The following CRTC1 variants were observed in gnomAD, a reference collection of about 807,000 sequenced individuals.
CRTC1 encodes the protein CREB-regulated transcription coactivator 1.
Under a neutral mutation model 66.1 loss-of-function variants are expected in CRTC1, and 18 were observed. The observed-to-expected ratio is 0.27, with a 90% CI of 0.19 to 0.40. CRTC1 has a LOEUF of 0.40. Among genes scored for constraint, CRTC1 ranks in the 10% least tolerant of loss-of-function variants. The pLI, the probability that CRTC1 is intolerant of heterozygous loss-of-function variation, is 1.00. For missense variants in CRTC1, 669 were observed against 887.9 expected, an observed-to-expected ratio of 0.75 and a Z score of 3.13; for synonymous variants, 416 against 398.8, an observed-to-expected ratio of 1.04 and a Z score of -0.51.
chr19:18,745,708 A>C (rs2054217422), intron 2 of CRTC1, 115 bp from the exon 3 acceptor site: 4 of 1,340,078 alleles, frequency 3.0e-6, no homozygotes, highest in Non-Finnish European at 4.2e-6. Flanking sequence ...GCGATGGCCG[A>C]GGGTGCTCCA....
chr19:18,746,910 C>T (rs910682755), intron 3 of CRTC1, 143 bp from the exon 4 acceptor site: 30 of 683,494 alleles, frequency 4.4e-5, no homozygotes, highest in South Asian at 1.4e-4. Flanking sequence ...CGGCAGGAAA[C>T]GCCCCCCGCC....
chr19:18,693,113 G>A (rs1002883338), intron 1 of CRTC1, among the ~76,000 whole-genome samples: 1 of 144,486 alleles, frequency 6.9e-6, no homozygotes, highest in Non-Finnish European at 1.5e-5. Context: ...TTTTTCGGCC[G>A]GGTATGGTAG....
In CRTC1 at chr19:18,739,546, C is replaced by T. The variant is rs531029345; in HGVS notation, c.127-3364C>T. On this transcript the variant is annotated intron_variant, in intron 1 of 13. Coordinates refer to ENST00000321949, the MANE Select transcript of CRTC1 (RefSeq NM_015321.3). The stretch of plus-strand genomic sequence containing the variant: ...CACATCTTTGTTCACTTGTGGATTC[C>T]GCCGGCAGGCGCTGCTGAGCAGCGG... Among the ~76,000 whole-genome samples the T allele has an allele frequency of 3.3e-4, 51 of 152,298 alleles. No individual in the cohort carries two copies. The South Asian group carries it at 9.7e-3, about 29-fold the overall frequency.
chr19:18,779,510 T>C lies in CRTC1; in HGVS notation c.*2128T>C, dbSNP rs1326919217. The C allele has an allele frequency of 9.3e-6, 2 of 215,976 alleles. No individual in the cohort carries two copies. The highest frequency in any genetic ancestry group is 1.9e-5 in the Non-Finnish European group (2 of 107,842). The allele number at this position is 215,976 out of a possible 1,614,324, so 13.4% of individuals were successfully genotyped here. A position where few individuals can be genotyped will look rare whatever the true frequency, so the allele number is the denominator to read the frequency against. On this transcript the variant is annotated 3_prime_UTR_variant, in exon 14 of 14. Coordinates refer to ENST00000321949, the MANE Select transcript of CRTC1 (RefSeq NM_015321.3). ...TGTACATAGGAGAGTTTCATTACCA[T>C]TAGACTTGTATGTAGGACTTAAAAA...
At chr19:18,767,253 C>T (rs1237484399) in intron 9 of CRTC1, among the ~76,000 whole-genome samples, 1 of 151,684 alleles carries the variant, frequency 6.6e-6, no homozygotes, top group African/African-American at 2.4e-5. Flanking sequence ...GGCTGGAGTG[C>T]AGTGGCGTGC....
chr19:18,766,530 C>CT (rs752761799), intron 9 of CRTC1, among the ~76,000 whole-genome samples: 7 of 152,022 alleles, frequency 4.6e-5, no homozygotes, highest in Non-Finnish European at 1.0e-4. Context: ...CATTGCAACT[C>CT]TGCCTCCCAA....
At position 18,768,717 on chromosome 19, in the gene CRTC1, T is replaced by C; in HGVS notation, c.1244T>C (p.Val415Ala). ...GGGCCACAGCCGCCCCCGCTTGCAG[T>C]CACGGTACCGTCCTCTCTCCCCCAG... Reference protein sequence around the residue: ...TRGPQPPPLAVTVPSSLPQSP... With the variant: ...TRGPQPPPLAATVPSSLPQSP... The change falls in exon 10 of 14, where the codon GTC becomes GCC. Residue 415 changes from valine to alanine, a missense_variant. Transcript: ENST00000321949. The surrounding 1 kb of genome is among the most constrained non-coding windows in gnomAD (Gnocchi z 5.6). 1 of 1,595,568 alleles carries C rather than the reference T, an allele frequency of 6.3e-7. No homozygotes were observed. Among genetic ancestry groups the C allele is most frequent in the Non-Finnish European group, 8.5e-7 (1 of 1,172,570 alleles).
At chr19:18,720,083 G>A (rs896498099) in intron 1 of CRTC1, among the ~76,000 whole-genome samples, 3 of 152,240 alleles carry the variant, frequency 2.0e-5, no homozygotes, top group Admixed American at 1.3e-4. Flanking sequence ...ACAAATAGAC[G>A]TGTGCTTGCA....
rs1437494339 is a variant in CRTC1 at position 18,780,561 on chromosome 19, C to T, written c.*3179C>T. ...CCGGGAGGACCCCTAGCCAGGAGGG[C>T]CCCCCATGTCCATCCATCCCTCCTG... is the stretch of plus-strand genomic sequence containing the variant. On this transcript the variant is annotated 3_prime_UTR_variant, in exon 14 of 14. Transcript: ENST00000321949. 4.3e-6 allele frequency: 1 copy of T among 230,592 alleles called. No homozygotes were observed. The allele number at this position is 230,592 out of a possible 1,614,324, so 14.3% of individuals were successfully genotyped here.
chr19:18,746,491 C>T (rs1052004640), intron 3 of CRTC1, among the ~76,000 whole-genome samples: 10 of 151,788 alleles, frequency 6.6e-5, no homozygotes, highest in East Asian at 1.9e-4. Context: ...CCCCTCCCCC[C>T]CAACTCAGCC....
chr19:18,771,507 A>C lies in CRTC1; in HGVS notation c.1386A>C (p.Pro462=). The C allele has an allele frequency of 6.2e-7, 1 of 1,613,620 alleles. No individual in the cohort carries two copies. Among genetic ancestry groups the C allele is most frequent in the African/African-American group, 1.3e-5 (1 of 74,970 alleles). ...CGGCCAACCAGTCTCCCACCTCGCC[A>C]GTCTCCAATCAAGGCTTCTCCCCAG... ...GSPANQSPTS[P]VSNQGFSPGS... The change falls in exon 11 of 14, where the codon CCA becomes CCC. Residue 462 remains proline, a synonymous_variant. Transcript: ENST00000321949. The surrounding 1 kb of genome is among the most constrained non-coding windows in gnomAD (Gnocchi z 4.6).
At chr19:18,776,893 G>T (rs1251967991) in intron 13 of CRTC1, among the ~76,000 whole-genome samples, 4 of 152,190 alleles carry the variant, frequency 2.6e-5, no homozygotes, top group Admixed American at 6.5e-5. Context: ...ACGTGCATCA[G>T]TGACACAGCC....
At chr19:18,734,416 T>G (rs1295625690) in intron 1 of CRTC1, among the ~76,000 whole-genome samples, 2 of 149,930 alleles carry the variant, frequency 1.3e-5, no homozygotes, top group Non-Finnish European at 1.5e-5. Flanking sequence ...AAACCAATGG[T>G]GGGCCGGGCA....
At chr19:18,730,937 G>A (rs976446611) in intron 1 of CRTC1, among the ~76,000 whole-genome samples, 2 of 151,034 alleles carry the variant, frequency 1.3e-5, no homozygotes, top group Admixed American at 6.6e-5. Context: ...CCACAGTTCC[G>A]GGGCTGAGTA....
Position 18,773,151 on chromosome 19 carries a change from G to A in CRTC1, c.1425+1605G>A, listed in dbSNP as rs751876466. 2.6e-4 allele frequency among the ~76,000 whole-genome samples: 39 copies of A among 152,212 alleles called. 1 individual carries two copies. The highest frequency in any genetic ancestry group is 7.2e-4 in the African/African-American group (30 of 41,516). ...TCGTGCGCTGATGCAGGAGGCAGGC[G>A]GCTCATGGAGGTATAGGGACATCAG... On this transcript the variant is annotated intron_variant, in intron 11 of 13. Coordinates refer to ENST00000321949, the MANE Select transcript of CRTC1 (RefSeq NM_015321.3).
At chr19:18,704,673 C>T (rs1236086482) in intron 1 of CRTC1, among the ~76,000 whole-genome samples, 2 of 152,192 alleles carry the variant, frequency 1.3e-5, no homozygotes, top group Non-Finnish European at 2.9e-5. Context: ...GATCGCACCA[C>T]TGCACTGCAG....
intron 6 of CRTC1, among the ~76,000 whole-genome samples, chr19:18,755,473 A>G (rs2054462632): frequency 6.6e-6 from 1 of 151,344 alleles, no homozygotes; most frequent in South Asian, 2.1e-4. Flanking sequence ...TCTGTTGCCC[A>G]TGCTGGAGTG....
intron 9 of CRTC1, among the ~76,000 whole-genome samples, chr19:18,766,481 C>G (rs774369523): frequency 6.6e-6 from 1 of 151,880 alleles, no homozygotes; most frequent in Non-Finnish European, 1.5e-5. Context: ...GAGTCTCGCT[C>G]TGTCACCCAG....
intron 1 of CRTC1, among the ~76,000 whole-genome samples, chr19:18,701,267 C>G (rs1430074658): frequency 6.6e-6 from 1 of 152,270 alleles, no homozygotes; most frequent in African/African-American, 2.4e-5. Context: ...TCCTGCCAAA[C>G]AGTCCCTCCC....
Sources: gnomAD v4.1 joint callset for allele counts (sites outside exome capture counted in the v4.1 genomes callset) on GRCh38, gnomAD v4.1.1 for gene constraint, Gnocchi (gnomAD v3.1) non-coding constraint, MANE v1.5 for transcripts, NCBI Gene and HGNC (gene_info 2026-07-23, HGNC 2026-07-21) for gene names.